The following FBXO33 variants were observed in gnomAD, a reference collection of about 807,000 sequenced individuals.
FBXO33 encodes the protein F-box only protein 33.
A neutral mutation model predicts 46.3 loss-of-function variants in FBXO33; 22 were observed. The ratio of observed to expected loss-of-function variants is 0.48; its 90% CI spans 0.34 to 0.68. FBXO33 has a LOEUF of 0.68. FBXO33 is among the 30% of genes least tolerant of loss of function. FBXO33 has a pLI of 0.01. For missense variants in FBXO33, 692 were observed against 708.8 expected (o/e 0.98, Z 0.27); for synonymous variants, 337 against 291.3 (o/e 1.16, Z -1.60).
chr14:39,403,531 C>T (rs529577409), intron 1 of FBXO33, among the ~76,000 whole-genome samples: 4 of 152,304 alleles, frequency 2.6e-5, no homozygotes, highest in Admixed American at 6.5e-5. Context: ...TGCCACTGCA[C>T]TCCAGCCTGG....
intron 1 of FBXO33, among the ~76,000 whole-genome samples, chr14:39,424,148 A>G (rs983593674): frequency 6.6e-6 from 1 of 152,188 alleles, no homozygotes; most frequent in Non-Finnish European, 1.5e-5. Flanking sequence ...GAGCTACTCC[A>G]CTTACTGCTA....
chr14:39,432,058 C>T lies in FBXO33; in HGVS notation c.105G>A (p.Leu35=). Residue 35 remains leucine, a synonymous_variant, in exon 1 of 4, where the codon CTG becomes CTA. Transcript: ENST00000298097. ...CCCGGAGCAGCCCCCGCAGCCGTCG[C>T]AGCTGCTGCAGCCGCAGCCGCCGCC... ...ARWRRLRLQQ[L]RRLRGLLRVL... 1.7e-6 allele frequency: 2 copies of T among 1,203,778 alleles called. No individual in the cohort carries two copies. The highest frequency in any genetic ancestry group is 3.1e-5 in the African/African-American group (2 of 63,726). 74.6% of individuals were successfully genotyped at this position (1,203,778 alleles called of 1,614,324 possible). A position where few individuals can be genotyped will look rare whatever the true frequency, so the allele number is the denominator to read the frequency against.
At chr14:39,411,669 C>T (rs944368679) in intron 1 of FBXO33, among the ~76,000 whole-genome samples, 8 of 152,128 alleles carry the variant, frequency 5.3e-5, no homozygotes, top group Admixed American at 3.3e-4. Flanking sequence ...ACTACAGGTG[C>T]ATGCCACCAT....
chr14:39,430,893 C>G (rs2075541675), intron 1 of FBXO33, among the ~76,000 whole-genome samples: 1 of 152,086 alleles, frequency 6.6e-6, no homozygotes, highest in African/African-American at 2.4e-5. Flanking sequence ...CTGGCCAACT[C>G]CCTCGCTGCC....
chr14:39,424,388 GA>G (rs1407491664), intron 1 of FBXO33, among the ~76,000 whole-genome samples: 1 of 152,134 alleles, frequency 6.6e-6, no homozygotes, highest in Non-Finnish European at 1.5e-5. Flanking sequence ...TTTTCCATAA[GA>G]AAAAGCTCTA....
chr14:39,432,275 CCT>C lies in FBXO33; in HGVS notation c.-115_-114del. 1.1e-6 allele frequency: 1 copy of C among 898,420 alleles called. No homozygotes were observed. Among genetic ancestry groups the C allele is most frequent in the Non-Finnish European group, 1.4e-6 (1 of 702,838 alleles). The allele number at this position is 898,420 out of a possible 1,614,324, so 55.7% of individuals were successfully genotyped here. On this transcript the variant is annotated 5_prime_UTR_variant, in exon 1 of 4. Transcript: ENST00000298097. ...GCGGGCGTGGCCTGCCGGGAGCCAG[CCT>C]CTGTCTTCTCAAACTCTACTCACGT...
chr14:39,416,995 C>A (rs1188989334), intron 1 of FBXO33, among the ~76,000 whole-genome samples: 3 of 152,190 alleles, frequency 2.0e-5, no homozygotes, highest in Non-Finnish European at 4.4e-5. Context: ...AGGGTACCCA[C>A]TCATTTCCCT....
intron 1 of FBXO33, among the ~76,000 whole-genome samples, chr14:39,421,578 A>G (rs1460346579): frequency 6.6e-6 from 1 of 152,220 alleles, no homozygotes; most frequent in Non-Finnish European, 1.5e-5. Flanking sequence ...AAAAAAGAAG[A>G]AAAATAAAAA....
chr14:39,420,486 G>C (rs1048167048), intron 1 of FBXO33, among the ~76,000 whole-genome samples: 2 of 152,150 alleles, frequency 1.3e-5, no homozygotes, highest in African/African-American at 2.4e-5. Flanking sequence ...GTCAGATCGA[G>C]ACCAACCTGG....
chr14:39,430,232 C>T (rs1025797542), intron 1 of FBXO33, among the ~76,000 whole-genome samples: 9 of 152,096 alleles, frequency 5.9e-5, no homozygotes, highest in African/African-American at 1.9e-4. Context: ...CAGATAAAAC[C>T]AAAGTAAGGA....
Position 39,401,644 on chromosome 14 carries a change from A to C in FBXO33, c.928T>G (p.Ser310Ala). The change falls in exon 3 of 4, where the codon TCA (serine) becomes GCA (alanine). Residue 310 changes from serine to alanine, a missense_variant. Physicochemically the swap from Ser to Ala is moderately conservative, Grantham distance 99 (BLOSUM62 1). Around this residue, in one of 3 missense-constraint regions of FBXO33, gnomAD observed 186 missense variants for 246.1 expected, o/e 0.76. Coordinates refer to ENST00000298097, the MANE Select transcript of FBXO33 (RefSeq NM_203301.4). ...AAGTCACAAAAATCCAAGGCAAGTGAGTGCAGATTCACAAATCGCTCCAGT... is the reference window on the plus strand; with the variant it reads ...AAGTCACAAAAATCCAAGGCAAGTGCGTGCAGATTCACAAATCGCTCCAGT... The part of the protein sequence containing the change: ...VELERFVNLH[S>A]LALDFCDFTA... 6.2e-7 allele frequency: 1 copy of C among 1,614,222 alleles called. No individual in the cohort carries two copies. The highest frequency in any genetic ancestry group is 1.7e-5 in the Admixed American group (1 of 60,030).
intron 1 of FBXO33, among the ~76,000 whole-genome samples, chr14:39,430,186 A>G (rs1221686328): frequency 6.6e-6 from 1 of 152,200 alleles, no homozygotes; most frequent in Non-Finnish European, 1.5e-5. Flanking sequence ...AAAGTCTCTA[A>G]CCTAATCTGT....
At chr14:39,426,631 G>A (rs2075516533) in intron 1 of FBXO33, among the ~76,000 whole-genome samples, 2 of 151,938 alleles carry the variant, frequency 1.3e-5, no homozygotes, top group Admixed American at 1.3e-4. Flanking sequence ...ATCCTCACTT[G>A]CCACAGCCCT....
intron 1 of FBXO33, among the ~76,000 whole-genome samples, chr14:39,416,582 G>A (rs543077626): frequency 6.6e-6 from 1 of 151,610 alleles, no homozygotes; most frequent in Non-Finnish European, 1.5e-5. Flanking sequence ...ACCTGTTTTC[G>A]ATTCTTTCTT....
rs765137660 is a variant in FBXO33, at chr14:39,432,175, A to G, written c.-13T>C. 2.8e-5 allele frequency: 34 copies of G among 1,220,256 alleles called. No homozygotes were observed. Among genetic ancestry groups the G allele is most frequent in the Non-Finnish European group, 3.4e-5 (33 of 978,690 alleles). The allele number at this position is 1,220,256 out of a possible 1,614,324, so 75.6% of individuals were successfully genotyped here. ...AGAACAACAACATCAATGACTAGGAAGAAGGGGGCGGAACCGTCGTGGGTC... is the reference window on the plus strand; with the variant it reads ...AGAACAACAACATCAATGACTAGGAGGAAGGGGGCGGAACCGTCGTGGGTC... On this transcript the variant is annotated 5_prime_UTR_variant, in exon 1 of 4. Transcript: ENST00000298097.
Position 39,401,104 on chromosome 14 carries a change from C to CT in FBXO33, c.1396+71dup, listed in dbSNP as rs1255453590. ...TTTCTTGATACTATAAAGGTCAGTG[C>CT]TATCTCTTTACTGGCAGAAAATGTT... is the stretch of plus-strand genomic sequence containing the variant. On this transcript the variant is annotated intron_variant, in intron 3 of 3. Transcript: ENST00000298097. 86 of 1,347,010 alleles carry CT rather than the reference C, an allele frequency of 6.4e-5. No individual in the cohort carries two copies. The African/African-American group carries it at 1.1e-3, about 17-fold the overall frequency. The allele number at this position is 1,347,010 out of a possible 1,614,324, so 83.4% of individuals were successfully genotyped here. A position where few individuals can be genotyped will look rare whatever the true frequency, so the allele number is the denominator to read the frequency against.
chr14:39,424,451 T>A (rs1163623762), intron 1 of FBXO33, among the ~76,000 whole-genome samples: 1 of 152,180 alleles, frequency 6.6e-6, no homozygotes, highest in Non-Finnish European at 1.5e-5. Context: ...TAACACAGGG[T>A]CTGGCATTCA....
At chr14:39,411,519 TCCC>T (rs150347950) in intron 1 of FBXO33, among the ~76,000 whole-genome samples, 1 of 150,222 alleles carries the variant, frequency 6.7e-6, no homozygotes. Flanking sequence ...TTATTTGACT[TCCC>T]CCCCCTTTTT....
chr14:39,399,364 C>T lies in FBXO33; in HGVS notation c.*152G>A. On this transcript the variant is annotated 3_prime_UTR_variant, in exon 4 of 4. Coordinates refer to ENST00000298097, the MANE Select transcript of FBXO33 (RefSeq NM_203301.4). ...TTCTAAACCAATACCCGACTACGTT[C>T]TTTGATCAAGAAGTAGAATATACAT... 1.5e-6 allele frequency: 1 copy of T among 675,782 alleles called. No homozygotes were observed. The highest frequency in any genetic ancestry group is 3.1e-5 in the South Asian group (1 of 32,280). The allele number at this position is 675,782 out of a possible 1,614,324, so 41.9% of individuals were successfully genotyped here. A position where few individuals can be genotyped will look rare whatever the true frequency, so the allele number is the denominator to read the frequency against.
Sources: gnomAD v4.1 joint callset for allele counts (sites outside exome capture counted in the v4.1 genomes callset) on GRCh38, gnomAD v4.1.1 for gene constraint, gnomAD v4.1.1 regional missense constraint, MANE v1.5 for transcripts, NCBI Gene and HGNC (gene_info 2026-07-23, HGNC 2026-07-21) for gene names.